Variants in PTPN2 observed in about 807,000 individuals in gnomAD.
The protein encoded by PTPN2 is tyrosine-protein phosphatase non-receptor type 2.
In PTPN2, 19 loss-of-function variants were observed where a neutral mutation model predicts 57.3. The ratio of observed to expected loss-of-function variants is 0.33; its 90% CI spans 0.23 to 0.49. PTPN2 has a LOEUF of 0.49. Ranked by LOEUF, PTPN2 falls within the 20% of genes least tolerant of loss-of-function variation. The probability of loss-of-function intolerance (pLI) is 0.99; values close to 1 mark genes in which losing one functional copy is unlikely to be tolerated. For missense variants in PTPN2, 358 were observed against 501.1 expected, an observed-to-expected ratio of 0.71 and a Z score of 2.73; for synonymous variants, 153 against 164.9, an observed-to-expected ratio of 0.93 and a Z score of 0.55.
intron 1 of PTPN2, among the ~76,000 whole-genome samples, chr18:12,882,562 G>T (rs2044698269): frequency 6.6e-6 from 1 of 152,214 alleles, no homozygotes; most frequent in South Asian, 2.1e-4. Context: ...AGAGACAGCA[G>T]CCTCTGCTAA....
At chr18:12,805,523 T>A (rs545268530) in intron 7 of PTPN2, among the ~76,000 whole-genome samples, 1 of 151,970 alleles carries the variant, frequency 6.6e-6, no homozygotes, top group Admixed American at 6.5e-5. Context: ...ATGGAGGAAA[T>A]TGTGCCTCAA....
At chr18:12,805,591 G>A (rs1315936414) in intron 7 of PTPN2, among the ~76,000 whole-genome samples, 2 of 151,014 alleles carry the variant, frequency 1.3e-5, no homozygotes, top group Non-Finnish European at 2.9e-5. Context: ...TGAAAAAGTT[G>A]AAAGCTTTTC....
chr18:12,819,478 T>A (rs556446933), intron 5 of PTPN2, among the ~76,000 whole-genome samples: 3 of 152,110 alleles, frequency 2.0e-5, no homozygotes, highest in African/African-American at 7.2e-5. Flanking sequence ...GGTTTCTGGC[T>A]GGGGGTAGAG....
chr18:12,817,327 A>G lies in PTPN2; in HGVS notation c.534T>C (p.Thr178=), dbSNP rs777544769. 1.2e-6 allele frequency: 2 copies of G among 1,614,060 alleles called. No homozygotes were observed. The highest frequency in any genetic ancestry group is 4.5e-5 in the East Asian group (2 of 44,890). ...CAGGGACTCCAAAATCTGGCCAGGT[A>G]GTATAATGAAAGTGAGATATTGTTC... ...ETRTISHFHY[T]TWPDFGVPES... is the part of the protein sequence containing the mutation. Residue 178 remains threonine, a synonymous_variant, in exon 6 of 9, where the codon ACT becomes ACC. Coordinates refer to ENST00000309660, the MANE Select transcript of PTPN2 (RefSeq NM_002828.4).
At position 12,870,353 on chromosome 18, in the gene PTPN2, GTA is replaced by G. The variant is rs1183625674; in HGVS notation, c.70-11101_70-11100del. On this transcript the variant is annotated intron_variant, in intron 1 of 8. Transcript: ENST00000309660. The stretch of plus-strand genomic sequence containing the variant: ...TATGTATATATATACATATATATGT[GTA>G]TATATATGTGTATATATACATATAT... Among the ~76,000 whole-genome samples, 210 of 37,318 alleles carry G rather than the reference GTA, an allele frequency of 5.6e-3. 25 individuals are homozygous for G. The East Asian group carries it at 0.14, about 26-fold the overall frequency. 24.5% of individuals were successfully genotyped at this position (37,318 alleles called of 152,430 possible).
chr18:12,855,867 T>C (rs2043570785), intron 2 of PTPN2, among the ~76,000 whole-genome samples: 1 of 152,186 alleles, frequency 6.6e-6, no homozygotes, highest in Admixed American at 6.5e-5. Flanking sequence ...AATAGTTAGG[T>C]TAGAGGACAA....
chr18:12,840,994 C>A (rs1183528818), intron 2 of PTPN2: 6 of 1,429,098 alleles, frequency 4.2e-6, no homozygotes, highest in Non-Finnish European at 5.5e-6. Flanking sequence ...TTTTAGTCAA[C>A]AAACATATTT....
intron 1 of PTPN2, 23 bp from the exon 2 acceptor site, chr18:12,859,277 T>G: frequency 6.7e-7 from 1 of 1,489,662 alleles, no homozygotes; most frequent in African/African-American, 1.4e-5. Context: ...AAAATATATT[T>G]TAATATCCCT....
At chr18:12,853,307 G>T (rs1402994233) in intron 2 of PTPN2, among the ~76,000 whole-genome samples, 2 of 152,022 alleles carry the variant, frequency 1.3e-5, no homozygotes, top group Non-Finnish European at 2.9e-5. Context: ...GCATCACCAC[G>T]TCCCAGCTAA....
chr18:12,836,372 C>A (rs1212104761), intron 3 of PTPN2, among the ~76,000 whole-genome samples: 1 of 152,184 alleles, frequency 6.6e-6, no homozygotes, highest in African/African-American at 2.4e-5. Flanking sequence ...CAGACACCAT[C>A]CAGGGCTTGG....
At chr18:12,842,051 C>T (rs1316103084) in intron 2 of PTPN2, among the ~76,000 whole-genome samples, 8 of 152,090 alleles carry the variant, frequency 5.3e-5, no homozygotes, top group East Asian at 1.9e-4. Flanking sequence ...GGATTACAGG[C>T]ATGTGCCACC....
chr18:12,866,018 T>G (rs2043979862), intron 1 of PTPN2, among the ~76,000 whole-genome samples: 1 of 152,216 alleles, frequency 6.6e-6, no homozygotes, highest in African/African-American at 2.4e-5. Flanking sequence ...AACAATCATT[T>G]GTCCATCAAC....
chr18:12,789,804 TATAA>T (rs1344316384), downstream of PTPN2, among the ~76,000 whole-genome samples: 1 of 152,174 alleles, frequency 6.6e-6, no homozygotes, highest in Non-Finnish European at 1.5e-5. Flanking sequence ...AACATATATT[TATAA>T]ATAATCTTTA....
chr18:12,838,625 G>A (rs1014388740), intron 2 of PTPN2, among the ~76,000 whole-genome samples: 1 of 152,166 alleles, frequency 6.6e-6, no homozygotes, highest in African/African-American at 2.4e-5. Flanking sequence ...CAGTGGCCTC[G>A]CTTCCTGTTT....
intron 2 of PTPN2, among the ~76,000 whole-genome samples, chr18:12,846,895 C>T (rs1416892969): frequency 1.3e-5 from 2 of 152,138 alleles, no homozygotes; most frequent in Admixed American, 1.3e-4. Flanking sequence ...AAGGACATTA[C>T]CACCTTTACT....
chr18:12,873,570 G>C (rs1476545719), intron 1 of PTPN2, among the ~76,000 whole-genome samples: 3 of 152,200 alleles, frequency 2.0e-5, no homozygotes, highest in African/African-American at 7.2e-5. Flanking sequence ...GATTGCAGAC[G>C]GTGTCTGGTT....
chr18:12,867,283 C>T (rs1365920744), intron 1 of PTPN2, among the ~76,000 whole-genome samples: 2 of 152,038 alleles, frequency 1.3e-5, no homozygotes, highest in East Asian at 3.8e-4. Context: ...TGTACCACTG[C>T]ACTCCAGCCT....
At chr18:12,858,734 A>G (rs1459006370) in intron 2 of PTPN2, among the ~76,000 whole-genome samples, 2 of 152,184 alleles carry the variant, frequency 1.3e-5, no homozygotes, top group East Asian at 3.8e-4. Flanking sequence ...TCTGTTTTCT[A>G]AGTTTTCTAC....
At chr18:12,804,249 G>A (rs1328757451) in intron 7 of PTPN2, among the ~76,000 whole-genome samples, 2 of 123,228 alleles carry the variant, frequency 1.6e-5, no homozygotes, top group Non-Finnish European at 3.2e-5. Context: ...CCAAAATCAT[G>A]CCACTGCACT....
Sources: allele counts gnomAD v4.1 joint callset (sites outside exome capture counted in the v4.1 genomes callset), GRCh38; gene constraint gnomAD v4.1.1; transcripts MANE v1.5; gene names NCBI Gene and HGNC (gene_info 2026-07-23, HGNC 2026-07-21).